The following CSMD1 variants were observed in gnomAD, a reference collection of about 807,000 sequenced individuals.
CSMD1 encodes the protein CUB and sushi domain-containing protein 1.
Under a neutral mutation model 417.5 loss-of-function variants are expected in CSMD1, and 213 were observed. The observed-to-expected ratio is 0.51, with a 90% CI of 0.46 to 0.57. The LOEUF is 0.57. Among genes scored for constraint, CSMD1 ranks in the 20% least tolerant of loss-of-function variants. The probability of loss-of-function intolerance (pLI) is 0.00; values close to 1 mark genes in which losing one functional copy is unlikely to be tolerated. For missense variants in CSMD1, 6,923 were observed against 4,529.7 expected (o/e 1.53, Z -15.17); for synonymous variants, 2,862 against 1,736.8 (o/e 1.65, Z -16.11).
At chr8:4,015,106 CTTAAAACCAAA>C (rs1296570657) in intron 4 of CSMD1, among the ~76,000 whole-genome samples, 1 of 152,136 alleles carries the variant, frequency 6.6e-6, no homozygotes, top group Non-Finnish European at 1.5e-5. Context: ...AAGAAAGGTG[CTTAAAACCAAA>C]TTGTCTAAAA....
At chr8:3,379,609 C>A (rs1810510004) in intron 18 of CSMD1, among the ~76,000 whole-genome samples, 1 of 152,174 alleles carries the variant, frequency 6.6e-6, no homozygotes. Context: ...CTACAACCAA[C>A]TGACCTTTGA....
intron 3 of CSMD1, among the ~76,000 whole-genome samples, chr8:4,411,317 C>G (rs1385571925): frequency 6.6e-6 from 1 of 151,974 alleles, no homozygotes; most frequent in Non-Finnish European, 1.5e-5. Context: ...AGACAAGTAA[C>G]TATTTCTGTG....
At chr8:4,523,769 CAT>C (rs1306053477) in intron 2 of CSMD1, among the ~76,000 whole-genome samples, 1 of 152,186 alleles carries the variant, frequency 6.6e-6, no homozygotes, top group Admixed American at 6.5e-5. Flanking sequence ...ATTAAAATAA[CAT>C]AATTGTATGC....
intron 2 of CSMD1, among the ~76,000 whole-genome samples, chr8:4,508,520 G>T (rs936878945): frequency 2.6e-5 from 4 of 151,940 alleles, no homozygotes; most frequent in African/African-American, 7.3e-5. Context: ...TCATCCAAAC[G>T]TTATAAATTT....
Position 3,600,356 on chromosome 8 carries a change from A to G in CSMD1, c.1098-14096T>C, listed in dbSNP as rs374952329. Among the ~76,000 whole-genome samples the G allele has an allele frequency of 1.5e-3, 228 of 152,326 alleles. 1 individual carries two copies. Among genetic ancestry groups the G allele is most frequent in the African/African-American group, 5.1e-3 (213 of 41,578 alleles). ...GGTGGATTTATTACCTTTAGATCCT[A>G]GTTAAATTGATAAACCATCTAACTA... On this transcript the variant is annotated intron_variant, in intron 8 of 69. Transcript: ENST00000635120.
chr8:3,338,367 C>A (rs1375884255), intron 23 of CSMD1, among the ~76,000 whole-genome samples: 1 of 152,070 alleles, frequency 6.6e-6, no homozygotes, highest in Non-Finnish European at 1.5e-5. Context: ...TAGACCCTGA[C>A]CAAGTACATA....
intron 7 of CSMD1, among the ~76,000 whole-genome samples, chr8:3,703,436 T>TTTCATTCA (rs199822463): frequency 0.026 from 3,955 of 149,900 alleles, 66 homozygotes; most frequent in Middle Eastern, 0.034. Flanking sequence ...CTTTCTCCCT[T>TTTCATTCA]TTCATTCATT....
intron 1 of CSMD1, among the ~76,000 whole-genome samples, chr8:4,649,895 T>C (rs974525696): frequency 6.6e-6 from 1 of 152,178 alleles, no homozygotes; most frequent in East Asian, 1.9e-4. Flanking sequence ...TGCAGGTGTA[T>C]GACTGGGGGC....
chr8:4,802,190 T>C (rs1324590248), intron 1 of CSMD1, among the ~76,000 whole-genome samples: 1 of 152,166 alleles, frequency 6.6e-6, no homozygotes, highest in Admixed American at 6.5e-5. Flanking sequence ...ATGCTATCTA[T>C]AGGATGCTCA....
chr8:4,257,574 T>C (rs573099346), intron 3 of CSMD1, among the ~76,000 whole-genome samples: 2 of 152,348 alleles, frequency 1.3e-5, no homozygotes, highest in South Asian at 2.1e-4. Flanking sequence ...AATAGAGATT[T>C]ATAAAATTCT....
At chr8:4,055,124 GATAGAA>G (rs1402599754) in intron 3 of CSMD1, among the ~76,000 whole-genome samples, 2 of 152,156 alleles carry the variant, frequency 1.3e-5, no homozygotes, top group African/African-American at 4.8e-5. Flanking sequence ...TGTAGTAGAT[GATAGAA>G]ATATGGCCTA....
At chr8:4,251,746 T>A (rs1425676620) in intron 3 of CSMD1, among the ~76,000 whole-genome samples, 1 of 151,996 alleles carries the variant, frequency 6.6e-6, no homozygotes, top group Non-Finnish European at 1.5e-5. Flanking sequence ...AGTTGTGACA[T>A]CTCACAAGTG....
chr8:3,547,769 T>C (rs1214813499), intron 10 of CSMD1, among the ~76,000 whole-genome samples: 1 of 152,204 alleles, frequency 6.6e-6, no homozygotes, highest in Non-Finnish European at 1.5e-5. Context: ...ATGTGTTGTG[T>C]TTTTCTTGTT....
chr8:4,829,706 C>T (rs951019325), intron 1 of CSMD1, among the ~76,000 whole-genome samples: 4 of 149,482 alleles, frequency 2.7e-5, no homozygotes, highest in African/African-American at 9.9e-5. Context: ...CCTCTGCACT[C>T]CAGCTTGGAT....
At chr8:3,574,005 A>G (rs1384095563) in intron 10 of CSMD1, among the ~76,000 whole-genome samples, 1 of 152,178 alleles carries the variant, frequency 6.6e-6, no homozygotes, top group East Asian at 1.9e-4. Context: ...AAACATGATT[A>G]TGAGTATGAT....
At chr8:4,381,608 C>A (rs941383291) in intron 3 of CSMD1, among the ~76,000 whole-genome samples, 1 of 152,122 alleles carries the variant, frequency 6.6e-6, no homozygotes, top group African/African-American at 2.4e-5. Flanking sequence ...GGTTCCCGCC[C>A]TGAACACCCA....
intron 10 of CSMD1, among the ~76,000 whole-genome samples, chr8:3,526,669 G>A (rs1446250403): frequency 3.9e-5 from 6 of 152,082 alleles, no homozygotes; most frequent in Non-Finnish European, 7.4e-5. Context: ...TATTTGCCCG[G>A]ATGCAAAATA....
chr8:3,972,835 G>C (rs921788026), intron 5 of CSMD1, among the ~76,000 whole-genome samples: 2 of 152,046 alleles, frequency 1.3e-5, no homozygotes, highest in Admixed American at 6.5e-5. Flanking sequence ...ACATATCTTT[G>C]ACATTTACCT....
chr8:3,115,118 T>C (rs1264084703), intron 42 of CSMD1, among the ~76,000 whole-genome samples: 2 of 151,998 alleles, frequency 1.3e-5, no homozygotes, highest in South Asian at 2.1e-4. Flanking sequence ...TAAGTGTGAA[T>C]GCATATTTAA....
Sources: gnomAD v4.1 joint callset for allele counts (sites outside exome capture counted in the v4.1 genomes callset) on GRCh38, gnomAD v4.1.1 for gene constraint, MANE v1.5 for transcripts, NCBI Gene and HGNC (gene_info 2026-07-23, HGNC 2026-07-21) for gene names.